GRM5: variants seen among roughly 807,000 people sequenced by gnomAD.
GRM5 encodes the protein metabotropic glutamate receptor 5.
In GRM5, 19 loss-of-function variants were observed where a neutral mutation model predicts 83.1. The ratio of observed to expected loss-of-function variants is 0.23; its 90% confidence interval spans 0.16 to 0.34. The LOEUF is 0.34. Among genes scored for constraint, GRM5 ranks in the 10% least tolerant of loss-of-function variants. GRM5 has a pLI of 1.00. For synonymous variants in GRM5, 675 were observed against 633.6 expected (o/e 1.07, Z -0.98); for missense variants, 1,160 against 1,588.3 (o/e 0.73, Z 4.58).
chr11:88,642,041 A>G (rs1316835918), intron 4 of GRM5, among the ~76,000 whole-genome samples: 1 of 151,826 alleles, frequency 6.6e-6, no homozygotes, highest in East Asian at 1.9e-4. Context: ...TGGGGCTCCA[A>G]CCCTGCACCA....
chr11:88,519,804 T>G (rs958516608), intron 9 of GRM5, among the ~76,000 whole-genome samples: 5 of 152,188 alleles, frequency 3.3e-5, no homozygotes, highest in Non-Finnish European at 7.4e-5. Context: ...TGGGTGGCCT[T>G]GGATAGTAAG....
chr11:88,673,295 G>A (rs191601318), intron 3 of GRM5, among the ~76,000 whole-genome samples: 116 of 151,950 alleles, frequency 7.6e-4, no homozygotes, highest in Admixed American at 3.5e-3. Context: ...AAGAGGCAGG[G>A]TTTTGTGACT....
intron 2 of GRM5, among the ~76,000 whole-genome samples, chr11:88,941,573 A>G (rs116519400): frequency 0.14 from 10,859 of 75,000 alleles, 1,180 homozygotes; most frequent in East Asian, 0.35. Flanking sequence ...GGAGGAGAGG[A>G]GGAGAGGGAA....
chr11:88,879,529 T>C (rs2135571232), intron 2 of GRM5, among the ~76,000 whole-genome samples: 1 of 151,940 alleles, frequency 6.6e-6, no homozygotes, highest in African/African-American at 2.4e-5. Context: ...AATAAATAAA[T>C]GTAAGAAAAA....
chr11:89,058,652 A>C (rs1159654388), intron 1 of GRM5, among the ~76,000 whole-genome samples: 1 of 152,180 alleles, frequency 6.6e-6, no homozygotes, highest in African/African-American at 2.4e-5. Flanking sequence ...TGTCTGTATT[A>C]TCTTGTTGAA....
intron 2 of GRM5, among the ~76,000 whole-genome samples, chr11:89,034,065 T>A (rs1187915447): frequency 6.6e-6 from 1 of 151,510 alleles, no homozygotes; most frequent in Non-Finnish European, 1.5e-5. Flanking sequence ...GGTCGAATAG[T>A]CCTAAAAATA....
chr11:89,061,768 C>G (rs1941998697), intron 1 of GRM5, among the ~76,000 whole-genome samples: 1 of 152,220 alleles, frequency 6.6e-6, no homozygotes, highest in Admixed American at 6.5e-5. Flanking sequence ...TACCAACTCC[C>G]TCTCCCAAAT....
rs1940515169 is a variant in GRM5 at position 88,682,245 on chromosome 11, G to A, written c.912-28842C>T. ...AGCTCCAGACTCATCTACTCTCTAT[G>A]TATCAGTATATGCCTATTTAGGACA... On this transcript the variant is annotated intron_variant, in intron 3 of 9. Coordinates refer to ENST00000305447, the MANE Select transcript of GRM5 (RefSeq NM_001143831.3). 1.3e-5 allele frequency among the ~76,000 whole-genome samples: 2 copies of A among 152,138 alleles called. 1 individual carries two copies. Among genetic ancestry groups the A allele is most frequent in the South Asian group, 4.1e-4 (2 of 4,832 alleles).
At chr11:88,895,217 T>C (rs1945211881) in intron 2 of GRM5, among the ~76,000 whole-genome samples, 1 of 151,990 alleles carries the variant, frequency 6.6e-6, no homozygotes, top group South Asian at 2.1e-4. Flanking sequence ...ATTCAATTGT[T>C]TTGGATGGGG....
chr11:88,851,007 A>G (rs1177737384), intron 2 of GRM5, among the ~76,000 whole-genome samples: 3 of 152,146 alleles, frequency 2.0e-5, no homozygotes, highest in Admixed American at 2.0e-4. Context: ...ATAGATCAGA[A>G]AACAGAGCAG....
At chr11:88,644,255 A>G (rs924840355) in intron 4 of GRM5, among the ~76,000 whole-genome samples, 3 of 152,168 alleles carry the variant, frequency 2.0e-5, no homozygotes, top group African/African-American at 7.2e-5. Context: ...ACCCAGGCAA[A>G]GTATCTACAG....
intron 3 of GRM5, among the ~76,000 whole-genome samples, chr11:88,781,938 C>G (rs1391632596): frequency 6.6e-6 from 1 of 152,114 alleles, no homozygotes; most frequent in Non-Finnish European, 1.5e-5. Flanking sequence ...AGTGAATTCA[C>G]ACACTTGATT....
At chr11:88,777,255 CGTA>C (rs1440871751) in intron 3 of GRM5, among the ~76,000 whole-genome samples, 1 of 152,190 alleles carries the variant, frequency 6.6e-6, no homozygotes, top group Non-Finnish European at 1.5e-5. Flanking sequence ...GCATGCATCA[CGTA>C]GTTCTCATGC....
intron 3 of GRM5, among the ~76,000 whole-genome samples, chr11:88,728,368 T>C (rs1387235216): frequency 6.6e-6 from 1 of 152,068 alleles, no homozygotes; most frequent in African/African-American, 2.4e-5. Flanking sequence ...AGTTCTGAAA[T>C]TGAGGCCTTA....
intron 2 of GRM5, among the ~76,000 whole-genome samples, chr11:88,861,728 C>T (rs1944566812): frequency 6.6e-6 from 1 of 152,100 alleles, no homozygotes; most frequent in Admixed American, 6.6e-5. Context: ...TTTGGGAAGC[C>T]TCAGCCTCCC....
intron 2 of GRM5, among the ~76,000 whole-genome samples, chr11:88,941,685 G>A (rs1731541224): frequency 6.6e-6 from 1 of 151,992 alleles, no homozygotes; most frequent in Non-Finnish European, 1.5e-5. Flanking sequence ...CCTAACAAAT[G>A]TTAGGGAACA....
At chr11:88,895,635 G>T (rs1246679713) in intron 2 of GRM5, among the ~76,000 whole-genome samples, 1 of 151,710 alleles carries the variant, frequency 6.6e-6, no homozygotes, top group Non-Finnish European at 1.5e-5. Flanking sequence ...AGGCAAAAAT[G>T]GAAAAAAACA....
At chr11:88,713,623 T>G (rs1941332368) in intron 3 of GRM5, among the ~76,000 whole-genome samples, 2 of 152,006 alleles carry the variant, frequency 1.3e-5, no homozygotes, top group Admixed American at 1.3e-4. Context: ...TCTTGTACAC[T>G]CAAATATTAG....
chr11:88,652,386 A>G (rs78085660), intron 4 of GRM5, among the ~76,000 whole-genome samples: 28 of 152,182 alleles, frequency 1.8e-4, no homozygotes, highest in African/African-American at 6.7e-4. Context: ...TGCTGGCTCT[A>G]CCTGGTTATT....
Sources: allele counts gnomAD v4.1 joint callset (sites outside exome capture counted in the v4.1 genomes callset), GRCh38; gene constraint gnomAD v4.1.1; transcripts MANE v1.5; gene names NCBI Gene and HGNC (gene_info 2026-07-23, HGNC 2026-07-21).